Variants in PTPRK observed in about 807,000 individuals in gnomAD.
PTPRK encodes the protein receptor-type tyrosine-protein phosphatase kappa.
A neutral mutation model predicts 178.0 loss-of-function variants in PTPRK; 75 were observed. The ratio of observed to expected loss-of-function variants is 0.42; its 90% confidence interval spans 0.35 to 0.51. The LOEUF is 0.51. Ranked by LOEUF, PTPRK falls within the 20% of genes least tolerant of loss-of-function variation. The pLI is 0.02. For synonymous variants in PTPRK, 637 were observed against 620.6 expected (o/e 1.03, Z -0.39); for missense variants, 1,441 against 1,797.8 (o/e 0.80, Z 3.59).
At chr6:128,257,260 A>T (rs1275555141) in intron 3 of PTPRK, among the ~76,000 whole-genome samples, 1 of 151,178 alleles carries the variant, frequency 6.6e-6, no homozygotes, top group Non-Finnish European at 1.5e-5. Flanking sequence ...GGGAGATAGG[A>T]AGCTGGGACC....
At chr6:128,410,369 T>C (rs1350757797) in intron 1 of PTPRK, among the ~76,000 whole-genome samples, 2 of 152,204 alleles carry the variant, frequency 1.3e-5, no homozygotes, top group Non-Finnish European at 2.9e-5. Flanking sequence ...ATTCTGCAGT[T>C]CACCCTCAGT....
intron 13 of PTPRK, among the ~76,000 whole-genome samples, chr6:128,014,954 T>C (rs1367191436): frequency 1.3e-5 from 2 of 151,706 alleles, no homozygotes; most frequent in African/African-American, 2.4e-5. Context: ...TTAACAGTAG[T>C]TGGAAAATAA....
Position 127,990,779 on chromosome 6 carries a change from G to A in PTPRK, c.3086C>T (p.Thr1029Ile), listed in dbSNP as rs755908605. The change falls in exon 21 of 30, where the codon ACC (threonine) becomes ATC (isoleucine). Residue 1029 changes from threonine to isoleucine, a missense_variant. This residue lies in a region of PTPRK where 945 missense variants were observed against 1,080.6 expected (regional missense o/e 0.87). Transcript: ENST00000368226. ...PLAEYVVRTFTLERRGYNEIR... is the reference protein window; with the variant it reads ...PLAEYVVRTFILERRGYNEIR... ...TTTTAGAGTACTTACCCTTTCCAGG[G>A]TGAATGTCCTAACTACATATTCAGC... The A allele has an allele frequency of 1.3e-5, 20 of 1,597,862 alleles. No individual in the cohort carries two copies. The highest frequency in any genetic ancestry group is 1.7e-5 in the Non-Finnish European group (20 of 1,166,102).
At chr6:128,333,176 A>G (rs1214357686) in intron 2 of PTPRK, among the ~76,000 whole-genome samples, 2 of 152,208 alleles carry the variant, frequency 1.3e-5, no homozygotes, top group African/African-American at 2.4e-5. Flanking sequence ...AGGTAAGAGA[A>G]GGTAGTGTGG....
Position 128,422,676 on chromosome 6 carries a change from C to CAAAAAAAAA in PTPRK, c.101-24997_101-24989dup, listed in dbSNP as rs750423577. On this transcript the variant is annotated intron_variant, in intron 1 of 29. Coordinates refer to ENST00000368226, the MANE Select transcript of PTPRK (RefSeq NM_002844.4). ...AATAGTTTTTAACATTTCACGGACG[C>CAAAAAAAAA]AAAAAAAAAAAAAAAAAAAAAAAAA... Among the ~76,000 whole-genome samples, 10 of 14,716 alleles carry CAAAAAAAAA rather than the reference C, an allele frequency of 6.8e-4. 1 individual carries two copies. Among genetic ancestry groups the CAAAAAAAAA allele is most frequent in the African/African-American group, 9.9e-4 (6 of 6,038 alleles). 9.7% of individuals were successfully genotyped at this position (14,716 alleles called of 152,430 possible).
intron 1 of PTPRK, among the ~76,000 whole-genome samples, chr6:128,478,567 T>C (rs1195140104): frequency 1.3e-5 from 2 of 152,164 alleles, no homozygotes; most frequent in Non-Finnish European, 2.9e-5. Flanking sequence ...ATTTTTATGA[T>C]ACTCTGCCAC....
chr6:128,002,626 T>G (rs1458251330), intron 15 of PTPRK, among the ~76,000 whole-genome samples: 2 of 151,982 alleles, frequency 1.3e-5, no homozygotes, highest in African/African-American at 4.8e-5. Context: ...AAGTAGCTTG[T>G]TCTAAATTTC....
chr6:128,094,608 T>C (rs1368168639), intron 7 of PTPRK, among the ~76,000 whole-genome samples: 1 of 152,200 alleles, frequency 6.6e-6, no homozygotes, highest in Non-Finnish European at 1.5e-5. Context: ...TGCTTTCTGT[T>C]GGCCAAAAAG....
At chr6:128,251,413 T>C (rs1296263523) in intron 3 of PTPRK, among the ~76,000 whole-genome samples, 1 of 152,160 alleles carries the variant, frequency 6.6e-6, no homozygotes, top group Non-Finnish European at 1.5e-5. Context: ...ATTTTAGCTA[T>C]CCTTAGCACT....
At chr6:128,031,406 A>G (rs1432501037) in intron 13 of PTPRK, among the ~76,000 whole-genome samples, 1 of 152,236 alleles carries the variant, frequency 6.6e-6, no homozygotes, top group Non-Finnish European at 1.5e-5. Context: ...TTCAATAATG[A>G]TACAAATTGC....
intron 3 of PTPRK, among the ~76,000 whole-genome samples, chr6:128,309,590 T>C (rs1308690875): frequency 6.6e-5 from 10 of 152,172 alleles, no homozygotes; most frequent in Admixed American, 6.5e-4. Flanking sequence ...TCAAAGTCTG[T>C]TACCTCAGCA....
At chr6:128,193,655 C>T (rs1804301128) in intron 6 of PTPRK, among the ~76,000 whole-genome samples, 1 of 152,142 alleles carries the variant, frequency 6.6e-6, no homozygotes, top group Non-Finnish European at 1.5e-5. Context: ...ATGTCTATGA[C>T]ATGGCTCTTT....
intron 4 of PTPRK, 89 bp from the exon 5 acceptor site, chr6:128,240,239 T>G (rs1814157750): frequency 6.1e-6 from 6 of 987,746 alleles, no homozygotes; most frequent in Non-Finnish European, 6.1e-6. Flanking sequence ...TTATCATTAG[T>G]GTTTTTACCT....
chr6:127,977,343 C>T (rs1355420916), intron 25 of PTPRK, among the ~76,000 whole-genome samples: 2 of 152,104 alleles, frequency 1.3e-5, no homozygotes, highest in African/African-American at 4.8e-5. Context: ...AGGACAAATA[C>T]AAAAGAAGAA....
chr6:128,157,468 T>C (rs1477504121), intron 7 of PTPRK, among the ~76,000 whole-genome samples: 3 of 151,980 alleles, frequency 2.0e-5, no homozygotes, highest in Admixed American at 6.6e-5. Flanking sequence ...AAAACTAAAG[T>C]GACTTGATAT....
intron 13 of PTPRK, among the ~76,000 whole-genome samples, chr6:128,040,928 G>A (rs1777058423): frequency 6.6e-6 from 1 of 152,092 alleles, no homozygotes; most frequent in African/African-American, 2.4e-5. Flanking sequence ...GTTGAGATCT[G>A]TGTCAAAAAC....
chr6:127,972,927 T>C, intron 29 of PTPRK, 95 bp downstream of exon 29: 1 of 1,272,822 alleles, frequency 7.9e-7, no homozygotes, highest in Non-Finnish European at 1.1e-6. Flanking sequence ...TTTTCACATC[T>C]GATTCCCTAT....
chr6:128,392,645 C>G (rs1839754185), intron 2 of PTPRK, among the ~76,000 whole-genome samples: 1 of 152,026 alleles, frequency 6.6e-6, no homozygotes. Flanking sequence ...AGAATGATTT[C>G]TAGTTCTATG....
chr6:128,347,227 T>A (rs1353313521), intron 2 of PTPRK, among the ~76,000 whole-genome samples: 1 of 152,234 alleles, frequency 6.6e-6, no homozygotes, highest in Non-Finnish European at 1.5e-5. Context: ...GCAAGCTTGA[T>A]GGGATCAGAG....
Sources: gnomAD v4.1 joint callset for allele counts (sites outside exome capture counted in the v4.1 genomes callset) on GRCh38, gnomAD v4.1.1 for gene constraint, gnomAD v4.1.1 regional missense constraint, MANE v1.5 for transcripts, NCBI Gene and HGNC (gene_info 2026-07-23, HGNC 2026-07-21) for gene names.